The following WAPL variants were observed in gnomAD, a reference collection of about 807,000 sequenced individuals.
WAPL encodes WAPL cohesin release factor, also known as wings apart-like protein homolog.
WAPL carries 5 observed loss-of-function variants against 121.0 expected under a neutral mutation model. The ratio of observed to expected loss-of-function variants is 0.04; its 90% CI spans 0.02 to 0.09. The LOEUF (loss-of-function observed/expected upper bound fraction) is 0.09, where lower values mean the gene tolerates loss of function less well. Ranked by LOEUF, WAPL falls within the 10% of genes least tolerant of loss-of-function variation. WAPL has a pLI of 1.00. For missense variants in WAPL, 999 were observed against 1,410.8 expected (o/e 0.71, Z 4.68); for synonymous variants, 480 against 481.5 (o/e 1.00, Z 0.04).
intron 4 of WAPL, among the ~76,000 whole-genome samples, chr10:86,474,736 T>A (rs919940564): frequency 1.2e-4 from 18 of 152,032 alleles, no homozygotes; most frequent in Admixed American, 6.6e-5. Flanking sequence ...CAAAAAAATT[T>A]AAAAAATAGT....
intron 1 of WAPL, among the ~76,000 whole-genome samples, chr10:86,520,490 T>A (rs755334351): frequency 6.6e-6 from 1 of 152,192 alleles, no homozygotes; most frequent in Non-Finnish European, 1.5e-5. Flanking sequence ...CATTATATAA[T>A]ATCTCCTCCT....
intron 17 of WAPL, 152 bp from the exon 18 acceptor site, chr10:86,438,167 C>T: frequency 1.9e-6 from 1 of 514,076 alleles, no homozygotes; most frequent in East Asian, 3.0e-5. Context: ...ACTCACTCTG[C>T]ATGTGATTTC....
chr10:86,506,093 A>C (rs1302588280), intron 2 of WAPL, among the ~76,000 whole-genome samples: 1 of 152,072 alleles, frequency 6.6e-6, no homozygotes, highest in African/African-American at 2.4e-5. Flanking sequence ...AAATTAGCTG[A>C]CTGTGATGGT....
At chr10:86,509,763 T>TG (rs71487260) in intron 2 of WAPL, among the ~76,000 whole-genome samples, 4 of 105,548 alleles carry the variant, frequency 3.8e-5, no homozygotes, top group Admixed American at 1.1e-4. Context: ...CGAAGCTCTT[T>TG]GGTTTTTTTT....
intron 4 of WAPL, among the ~76,000 whole-genome samples, chr10:86,495,014 G>C (rs1267418908): frequency 6.6e-6 from 1 of 151,990 alleles, no homozygotes; most frequent in Non-Finnish European, 1.5e-5. Context: ...GGGCTCTTCA[G>C]GTAAAATAGG....
chr10:86,513,611 G>A (rs564258591), intron 2 of WAPL, among the ~76,000 whole-genome samples: 41 of 152,174 alleles, frequency 2.7e-4, no homozygotes, highest in African/African-American at 8.4e-4. Flanking sequence ...CGCCACACCC[G>A]CAACAAAATT....
intron 2 of WAPL, among the ~76,000 whole-genome samples, chr10:86,505,240 TCCTCCCATCTCAG>T (rs1842323903): frequency 6.8e-6 from 1 of 147,820 alleles, no homozygotes; most frequent in Non-Finnish European, 1.5e-5. Context: ...ACTCAGGCGA[TCCTCCCATCTCAG>T]CCTCCCAAAG....
Position 86,472,500 on chromosome 10 carries a change from G to C in WAPL, c.1893+112C>G. 6.6e-7 allele frequency: 1 copy of C among 1,513,766 alleles called. No individual in the cohort carries two copies. Among genetic ancestry groups the C allele is most frequent in the Non-Finnish European group, 8.9e-7 (1 of 1,128,736 alleles). 93.8% of individuals were successfully genotyped at this position (1,513,766 alleles called of 1,614,324 possible). A position where few individuals can be genotyped will look rare whatever the true frequency, so the allele number is the denominator to read the frequency against. On this transcript the variant is annotated intron_variant, in intron 6 of 18. Coordinates refer to ENST00000298767, the MANE Select transcript of WAPL (RefSeq NM_015045.5). This position sits in a 1 kb window ranked among gnomAD's most constrained non-coding sequence, Gnocchi z 4.2. ...GATGATGGTAGGACAAAAGAAGTTT[G>C]TGGTTCAAAACTGAGTATCAGTATA...
Position 86,436,060 on chromosome 10 carries a change from A to T in WAPL, c.*1483T>A, listed in dbSNP as rs947263599. On this transcript the variant is annotated 3_prime_UTR_variant, in exon 19 of 19. Transcript: ENST00000298767. ...GAAGGAAGAAAACAATTTGCCTGGA[A>T]TCAGTTACTTCCTTACAGATTTCCC... is the stretch of plus-strand genomic sequence containing the variant. 3.3e-5 allele frequency: 5 copies of T among 152,726 alleles called. No individual in the cohort carries two copies. The South Asian group carries it at 1.0e-3, about 32-fold the overall frequency. The allele number at this position is 152,726 out of a possible 1,614,324, so 9.5% of individuals were successfully genotyped here. A position where few individuals can be genotyped will look rare whatever the true frequency, so the allele number is the denominator to read the frequency against.
chr10:86,500,398 T>C lies in WAPL; in HGVS notation c.845A>G (p.Asp282Gly). 6.2e-7 allele frequency: 1 copy of C among 1,614,236 alleles called. No homozygotes were observed. The highest frequency in any genetic ancestry group is 1.1e-5 in the South Asian group (1 of 91,084). Residue 282 changes from aspartate (D) to glycine (G), a missense_variant, in exon 3 of 19, where the codon GAT becomes GGT. This residue lies in a region of WAPL where 531 missense variants were observed against 563.1 expected (regional missense o/e 0.94). Transcript: ENST00000298767. ...LENLNEAIEE[D>G]IVQSVLRPTN... ...TGGCCTAAGAACACTTTGTACAATA[T>C]CTTCCTCAATGGCTTCATTCAGATT...
Position 86,500,486 on chromosome 10 carries a change from A to G in WAPL, c.757T>C (p.Leu253=). Residue 253 remains leucine (L), a synonymous_variant, in exon 3 of 19, where the codon TTA becomes CTA. Coordinates refer to ENST00000298767, the MANE Select transcript of WAPL (RefSeq NM_015045.5). Reference sequence around the variant, plus strand: ...AAAAGGGGATCACTATCCAAACTTAAAATACAGTCTTCTGATCTGATATCT... The same window carrying G: ...AAAAGGGGATCACTATCCAAACTTAGAATACAGTCTTCTGATCTGATATCT... ...FEDIRSEDCI[L]SLDSDPLLEM... The G allele has an allele frequency of 6.2e-7, 1 of 1,614,244 alleles. No homozygotes were observed.
chr10:86,479,546 G>A (rs758508074), intron 4 of WAPL, among the ~76,000 whole-genome samples: 12 of 151,970 alleles, frequency 7.9e-5, no homozygotes, highest in African/African-American at 1.2e-4. Flanking sequence ...GAGCCACAGC[G>A]CACAGCCAAA....
At chr10:86,443,522 A>G in intron 16 of WAPL, 159 bp from the exon 17 acceptor site, 1 of 499,564 alleles carries the variant, frequency 2.0e-6, no homozygotes, top group Non-Finnish European at 3.4e-6. Context: ...ATTTAATCAA[A>G]ATGAAATAGG....
intron 4 of WAPL, among the ~76,000 whole-genome samples, chr10:86,491,884 A>G (rs1424282536): frequency 6.6e-6 from 1 of 152,208 alleles, no homozygotes; most frequent in African/African-American, 2.4e-5. Context: ...GTGTGTGTTA[A>G]GAGCACCTAC....
intron 2 of WAPL, among the ~76,000 whole-genome samples, chr10:86,503,909 C>CCT (rs1167761563): frequency 3.3e-5 from 5 of 152,210 alleles, no homozygotes; most frequent in Admixed American, 3.3e-4. Flanking sequence ...ATGGCTCAGG[C>CCT]CTATAATGCC....
At position 86,499,761 on chromosome 10, in the gene WAPL, G is replaced by C. The variant is rs1265894356; in HGVS notation, c.1482C>G (p.Ser494Arg). The C allele has an allele frequency of 6.3e-7, 1 of 1,598,518 alleles. No homozygotes were observed. The highest frequency in any genetic ancestry group is 2.2e-5 in the East Asian group (1 of 44,838). ...PSPSLQPPPE[S>R]NDNSQDSQSG... The stretch of plus-strand genomic sequence containing the variant: ...ACTGACTGTCCTGGGAATTATCATT[G>C]CTTTCTGGGGGAGGCTGCAAGGAGG... Residue 494 changes from serine to arginine, a missense_variant, in exon 3 of 19, where the codon AGC (serine) becomes AGG (arginine). This residue lies in a region of WAPL where 531 missense variants were observed against 563.1 expected (regional missense o/e 0.94). Coordinates refer to ENST00000298767, the MANE Select transcript of WAPL (RefSeq NM_015045.5).
chr10:86,448,897 C>T (rs907894209), intron 15 of WAPL, among the ~76,000 whole-genome samples: 1 of 152,230 alleles, frequency 6.6e-6, no homozygotes, highest in African/African-American at 2.4e-5. Flanking sequence ...TTACAGATTA[C>T]AGGCATGAGC....
chr10:86,484,809 G>A (rs947293163), intron 4 of WAPL, among the ~76,000 whole-genome samples: 7 of 152,126 alleles, frequency 4.6e-5, no homozygotes, highest in Non-Finnish European at 1.5e-5. Context: ...CAACATATCA[G>A]AAGCAACAGG....
intron 2 of WAPL, among the ~76,000 whole-genome samples, chr10:86,503,331 G>A (rs1842282024): frequency 6.6e-6 from 1 of 152,162 alleles, no homozygotes; most frequent in Non-Finnish European, 1.5e-5. Context: ...ATGATACAAA[G>A]TGGCTTGGAG....
Sources: gnomAD v4.1 joint callset for allele counts (sites outside exome capture counted in the v4.1 genomes callset) on GRCh38, gnomAD v4.1.1 for gene constraint, gnomAD v4.1.1 regional missense constraint, Gnocchi (gnomAD v3.1) non-coding constraint, MANE v1.5 for transcripts, NCBI Gene and HGNC (gene_info 2026-07-23, HGNC 2026-07-21) for gene names.